Variants in ABI3BP observed in about 807,000 individuals in gnomAD.
ABI3BP encodes the protein ABI family member 3 binding protein.
A neutral mutation model predicts 268.6 loss-of-function variants in ABI3BP; 216 were observed. That is an observed-to-expected ratio of 0.80 (90% CI 0.72 to 0.90). ABI3BP has a LOEUF of 0.90. ABI3BP is among the 40% of genes least tolerant of loss of function. The pLI is 0.00. For missense variants in ABI3BP, 2,090 were observed against 2,182.4 expected (o/e 0.96, Z 0.84); for synonymous variants, 730 against 730.0 (o/e 1.00, Z 0.00).
At position 100,804,780 on chromosome 3, in the gene ABI3BP, T is replaced by C; in HGVS notation, c.3757+12A>G. ...GAATGCATTTGGCTTAAACATGAAA[T>C]AAAGCATTTACCAGGTGTGGTGTAT... On this transcript the variant is annotated intron_variant, in intron 51 of 67. Transcript: ENST00000471714. 1 of 1,611,860 alleles carries C rather than the reference T, an allele frequency of 6.2e-7. No homozygotes were observed. The highest frequency in any genetic ancestry group is 8.5e-7 in the Non-Finnish European group (1 of 1,178,208).
At chr3:100,841,914 A>AC (rs1319643375) in intron 21 of ABI3BP, 84 bp downstream of exon 21, 1 of 1,217,358 alleles carries the variant, frequency 8.2e-7, no homozygotes, top group African/African-American at 1.6e-5. Context: ...AAAAAAAAAA[A>AC]AACAAAACCC....
chr3:100,777,564 A>G (rs1238920994), intron 59 of ABI3BP, among the ~76,000 whole-genome samples: 1 of 152,182 alleles, frequency 6.6e-6, no homozygotes, highest in Non-Finnish European at 1.5e-5. Flanking sequence ...GTCTGACACA[A>G]TTTTCTCTTT....
intron 50 of ABI3BP, among the ~76,000 whole-genome samples, chr3:100,806,095 C>A (rs1016965539): frequency 1.3e-5 from 2 of 152,020 alleles, no homozygotes; most frequent in Non-Finnish European, 2.9e-5. Flanking sequence ...TGCTTTCTTT[C>A]AGATTTTAGA....
chr3:100,809,880 A>AT (rs748976252), intron 49 of ABI3BP, among the ~76,000 whole-genome samples: 56 of 152,016 alleles, frequency 3.7e-4, no homozygotes, highest in African/African-American at 1.0e-3. Context: ...AATTGTTTTG[A>AT]TTTTTTTTAT....
At chr3:100,967,600 A>G (rs1000257998) in intron 1 of ABI3BP, among the ~76,000 whole-genome samples, 3 of 152,074 alleles carry the variant, frequency 2.0e-5, no homozygotes, top group African/African-American at 7.2e-5. Context: ...ACAAAGAACA[A>G]TTTAACTTGT....
At chr3:100,775,498 G>A (rs1336573027) in intron 59 of ABI3BP, among the ~76,000 whole-genome samples, 163 bp from the exon 60 acceptor site, 1 of 152,154 alleles carries the variant, frequency 6.6e-6, no homozygotes, top group East Asian at 1.9e-4. Context: ...GGAGATAGAT[G>A]TATGAGCCAA....
At chr3:100,911,553 T>C (rs574436682) in intron 2 of ABI3BP, 2 of 606,624 alleles carry the variant, frequency 3.3e-6, no homozygotes, top group African/African-American at 3.7e-5. Flanking sequence ...ATATTTTATC[T>C]TATGTACCTC....
At position 100,849,381 on chromosome 3, in the gene ABI3BP, G is replaced by A. The variant is rs148000434; in HGVS notation, c.1502-506C>T. On this transcript the variant is annotated intron_variant, in intron 17 of 67. Coordinates refer to ENST00000471714, the MANE Select transcript of ABI3BP (RefSeq NM_001375547.2). ...TGGGACTACAGGCATGTACCATGAC[G>A]TCCGGCTAATTTTTGTATTTTGACT... is the stretch of plus-strand genomic sequence containing the variant. 3.5e-3 allele frequency among the ~76,000 whole-genome samples: 526 copies of A among 151,950 alleles called. 2 individuals carry two copies. Among genetic ancestry groups the A allele is most frequent in the African/African-American group, 0.012 (514 of 41,456 alleles).
intron 6 of ABI3BP, among the ~76,000 whole-genome samples, chr3:100,881,112 C>CGAAA (rs768144213): frequency 2.0e-4 from 31 of 152,180 alleles, no homozygotes; most frequent in Non-Finnish European, 4.0e-4. Context: ...TAATGTCCTA[C>CGAAA]TTTCAAAAGG....
intron 63 of ABI3BP, among the ~76,000 whole-genome samples, chr3:100,756,995 CAATATT>C (rs1299952486): frequency 6.6e-6 from 1 of 151,812 alleles, no homozygotes; most frequent in Non-Finnish European, 1.5e-5. Context: ...AGAAATGTCT[CAATATT>C]GATTGTACAT....
chr3:100,780,445 T>C (rs2096835003), intron 57 of ABI3BP, among the ~76,000 whole-genome samples: 2 of 152,194 alleles, frequency 1.3e-5, no homozygotes, highest in Non-Finnish European at 2.9e-5. Flanking sequence ...TGTGGTTTTG[T>C]CCAAATCTTT....
chr3:100,963,643 T>C (rs1388649119), intron 1 of ABI3BP, among the ~76,000 whole-genome samples: 1 of 152,222 alleles, frequency 6.6e-6, no homozygotes, highest in Non-Finnish European at 1.5e-5. Flanking sequence ...CCCTCCAATG[T>C]ATGTTAGCCC....
intron 12 of ABI3BP, chr3:100,863,702 AAG>A: frequency 3.3e-6 from 1 of 300,578 alleles, no homozygotes; most frequent in Non-Finnish European, 6.2e-6. Flanking sequence ...CTTCTCTGTT[AAG>A]AGAGACAATA....
intron 8 of ABI3BP, 57 bp from the exon 9 acceptor site, chr3:100,874,990 A>G: frequency 1.9e-6 from 2 of 1,031,978 alleles, no homozygotes; most frequent in African/African-American, 3.2e-5. Flanking sequence ...ATGACATAAA[A>G]TGAAGCTCAG....
chr3:100,815,814 C>T (rs959136716), intron 44 of ABI3BP, 98 bp downstream of exon 44: 26 of 743,412 alleles, frequency 3.5e-5, no homozygotes, highest in Non-Finnish European at 5.5e-5. Flanking sequence ...GGAATAACAG[C>T]GTCTTAGGAA....
intron 63 of ABI3BP, among the ~76,000 whole-genome samples, chr3:100,763,333 G>A (rs2096077834): frequency 6.6e-6 from 1 of 151,796 alleles, no homozygotes; most frequent in South Asian, 2.1e-4. Context: ...TGTGGTGGTA[G>A]GTGCCCGTAA....
At chr3:100,861,769 C>T (rs939455677) in intron 14 of ABI3BP, among the ~76,000 whole-genome samples, 5 of 151,856 alleles carry the variant, frequency 3.3e-5, no homozygotes, top group African/African-American at 1.2e-4. Flanking sequence ...AGGAAAGTAG[C>T]CATCACATGG....
chr3:100,823,652 G>T (rs546688010), intron 36 of ABI3BP, 138 bp from the exon 37 acceptor site: 3 of 658,434 alleles, frequency 4.6e-6, no homozygotes, highest in Admixed American at 6.4e-5. Context: ...CTGAAGGAAA[G>T]AATGTGTGTT....
chr3:100,772,869 G>A (rs1348298803), intron 61 of ABI3BP, among the ~76,000 whole-genome samples: 5 of 151,798 alleles, frequency 3.3e-5, no homozygotes, highest in African/African-American at 7.3e-5. Flanking sequence ...ACTGGCAGTC[G>A]GGAGTTTGAG....
Sources: gnomAD v4.1 joint callset for allele counts (sites outside exome capture counted in the v4.1 genomes callset) on GRCh38, gnomAD v4.1.1 for gene constraint, MANE v1.5 for transcripts, NCBI Gene and HGNC (gene_info 2026-07-23, HGNC 2026-07-21) for gene names.